LRP4: variants seen among roughly 807,000 people sequenced by gnomAD.
The protein encoded by LRP4 is LDL receptor related protein 4, also known as low-density lipoprotein receptor-related protein 4.
Under a neutral mutation model 220.3 loss-of-function variants are expected in LRP4, and 95 were observed. That is an observed-to-expected ratio of 0.43 (90% CI 0.37 to 0.51). The LOEUF (loss-of-function observed/expected upper bound fraction) is 0.51. LRP4 is among the 20% of genes least tolerant of loss of function. The pLI, the probability that LRP4 is intolerant of heterozygous loss-of-function variation, is 0.00. For missense variants in LRP4, 1,925 were observed against 2,567.0 expected, an observed-to-expected ratio of 0.75 and a Z score of 5.40; for synonymous variants, 903 against 954.6, an observed-to-expected ratio of 0.95 and a Z score of 1.00.
At chr11:46,898,750 C>T (rs182781369) in intron 6 of LRP4, 73 bp from the exon 7 acceptor site, 200 of 1,607,878 alleles carry the variant, frequency 1.2e-4, no homozygotes, top group Middle Eastern at 1.7e-4. Context: ...GGCCACAGCC[C>T]CAGAATCCCA....
At chr11:46,860,314 T>C (rs1464191670) in intron 37 of LRP4, among the ~76,000 whole-genome samples, 1 of 151,538 alleles carries the variant, frequency 6.6e-6, no homozygotes, top group Non-Finnish European at 1.5e-5. Context: ...GTCAATATAG[T>C]GGGGTCCTGC....
Position 46,893,118 on chromosome 11 carries a change from C to T in LRP4, c.1552G>A (p.Val518Met). 2.5e-6 allele frequency: 4 copies of T among 1,614,180 alleles called. No homozygotes were observed. Among genetic ancestry groups the T allele is most frequent in the Non-Finnish European group, 2.5e-6 (3 of 1,180,010 alleles). ...TAGAGTTTGTCATGGACCCAATCCA[C>T]AGCCAGGCCCCCTGGTGAGAAGCAG... is the stretch of plus-strand genomic sequence containing the variant. ...TGLESPGGLA[V>M]DWVHDKLYWT... is the part of the protein sequence containing the mutation. The change falls in exon 13 of 38, where the codon GTG becomes ATG. Residue 518 changes from valine to methionine, a missense_variant. Val to Met is a conservative substitution (Grantham distance 21, BLOSUM62 1). Transcript: ENST00000378623.
In LRP4 at chr11:46,899,981, G is replaced by A. The variant is rs1941632082; in HGVS notation, c.317-5C>T. 6.2e-7 allele frequency: 1 copy of A among 1,607,670 alleles called. No homozygotes were observed. On this transcript the variant is annotated splice_polypyrimidine_tract_variant and splice_region_variant and intron_variant, in intron 3 of 37. Transcript: ENST00000378623. The surrounding 1 kb of genome is among the most constrained non-coding windows in gnomAD (Gnocchi z 5.9). ...CCTCCTCACACTCCCGGGGGGCTGT[G>A]GGCACAGAGCAGTCAGGCTGCTGCA...
At position 46,909,611 on chromosome 11, in the gene LRP4, CAAAAAAAAAAAA is replaced by C. The variant is rs71042636; in HGVS notation, c.53-6694_53-6683del. On this transcript the variant is annotated intron_variant, in intron 1 of 37. Coordinates refer to ENST00000378623, the MANE Select transcript of LRP4 (RefSeq NM_002334.4). ...TGGGCGACAGAGCGAGACTCCGTCTCAAAAAAAAAAAAAAAAAAAAAAAAAAAAAGGAGGAAT... is the reference window on the plus strand; with the variant it reads ...TGGGCGACAGAGCGAGACTCCGTCTCAAAAAAAAAAAAAAAAAGGAGGAAT... 1.7e-3 allele frequency among the ~76,000 whole-genome samples: 79 copies of C among 46,104 alleles called. 1 individual carries two copies. The highest frequency in any genetic ancestry group is 2.9e-3 in the Admixed American group (9 of 3,122). 30.2% of individuals were successfully genotyped at this position (46,104 alleles called of 152,430 possible). A position where few individuals can be genotyped will look rare whatever the true frequency, so the allele number is the denominator to read the frequency against.
At chr11:46,869,237 G>T in intron 31 of LRP4, 105 bp from the exon 32 acceptor site, 1 of 1,070,748 alleles carries the variant, frequency 9.3e-7, no homozygotes, top group Non-Finnish European at 1.4e-6. Flanking sequence ...CTGCTGAAAT[G>T]CCCTCTTCAT....
chr11:46,908,957 T>C (rs1419366935), intron 1 of LRP4, among the ~76,000 whole-genome samples: 2 of 152,250 alleles, frequency 1.3e-5, no homozygotes, highest in Non-Finnish European at 2.9e-5. Context: ...GGCACCCGCT[T>C]TGGCCAAGGT....
Position 46,894,607 on chromosome 11 carries a change from T to G in LRP4, c.1522A>C (p.Thr508Pro). The change falls in exon 12 of 38, where the codon ACT becomes CCT. Residue 508 changes from threonine (T) to proline (P), a missense_variant. Thr to Pro is a conservative substitution (Grantham distance 38). This residue lies in a region of LRP4 where 269 missense variants were observed against 436.7 expected (regional missense o/e 0.62). Transcript: ENST00000378623. ...NGSNVEEVVS[T>P]GLESPGGLAV... is the part of the protein sequence containing the mutation. Reference sequence around the variant, plus strand: ...TCCCTACCTGGGCTCTCCAGCCCAGTAGACACAACCTCCTCCACGTTGCTG... The same window carrying G: ...TCCCTACCTGGGCTCTCCAGCCCAGGAGACACAACCTCCTCCACGTTGCTG... 1 of 1,609,316 alleles carries G rather than the reference T, an allele frequency of 6.2e-7. No homozygotes were observed. The highest frequency in any genetic ancestry group is 1.7e-4 in the Middle Eastern group (1 of 6,054).
intron 34 of LRP4, among the ~76,000 whole-genome samples, chr11:46,867,650 G>A (rs907635006): frequency 2.0e-5 from 3 of 152,020 alleles, no homozygotes; most frequent in Non-Finnish European, 4.4e-5. Flanking sequence ...TAGTGGAAAC[G>A]GGGTTTCTCC....
chr11:46,858,739 T>C lies in LRP4; in HGVS notation c.*244A>G. On this transcript the variant is annotated 3_prime_UTR_variant, in exon 38 of 38. Coordinates refer to ENST00000378623, the MANE Select transcript of LRP4 (RefSeq NM_002334.4). The stretch of plus-strand genomic sequence containing the variant: ...CAGTTTCAGGGGGCCCAGGATGGAG[T>C]ACAAGATGTGAGGTTCATGGTAAAA... The C allele has an allele frequency of 1.8e-6, 1 of 561,320 alleles. No homozygotes were observed. The highest frequency in any genetic ancestry group is 3.3e-6 in the Non-Finnish European group (1 of 307,502). 34.8% of individuals were successfully genotyped at this position (561,320 alleles called of 1,614,324 possible). A position where few individuals can be genotyped will look rare whatever the true frequency, so the allele number is the denominator to read the frequency against.
chr11:46,905,033 G>C (rs1426267551), intron 1 of LRP4, among the ~76,000 whole-genome samples: 1 of 150,722 alleles, frequency 6.6e-6, no homozygotes, highest in Non-Finnish European at 1.5e-5. Flanking sequence ...AGCCAAGTGA[G>C]GTCCAGTTGG....
chr11:46,903,005 G>T, intron 1 of LRP4, 76 bp from the exon 2 acceptor site: 1 of 1,586,268 alleles, frequency 6.3e-7, no homozygotes. Context: ...GAAAGTAGAG[G>T]AGCCTAGTCC....
At position 46,862,764 on chromosome 11, in the gene LRP4, G is replaced by T; in HGVS notation, c.5244-17C>A. ...TTTTTGTGTCTTTAGGAGGGAAGGT[G>T]ATGAGAAATTAGTCGAGATCTTTAA... On this transcript the variant is annotated splice_polypyrimidine_tract_variant and intron_variant, in intron 36 of 37. Coordinates refer to ENST00000378623, the MANE Select transcript of LRP4 (RefSeq NM_002334.4). 1 of 1,613,192 alleles carries T rather than the reference G, an allele frequency of 6.2e-7. No individual in the cohort carries two copies. The highest frequency in any genetic ancestry group is 1.1e-5 in the South Asian group (1 of 91,030).
At chr11:46,894,876 C>A (rs1941492991) in intron 11 of LRP4, 57 bp from the exon 12 acceptor site, 1 of 1,456,510 alleles carries the variant, frequency 6.9e-7, no homozygotes, top group Non-Finnish European at 9.6e-7. Context: ...CCCCTGGTAC[C>A]CATCAGCAGG....
At chr11:46,917,453 C>G (rs957661348) in intron 1 of LRP4, among the ~76,000 whole-genome samples, 1 of 152,148 alleles carries the variant, frequency 6.6e-6, no homozygotes, top group Non-Finnish European at 1.5e-5. Flanking sequence ...CAGATTCCAT[C>G]GGAGCCCTAG....
chr11:46,860,171 G>A (rs1366583911), intron 37 of LRP4, among the ~76,000 whole-genome samples: 25 of 151,060 alleles, frequency 1.7e-4, no homozygotes, highest in Admixed American at 1.6e-3. Flanking sequence ...GGAGGCTGAG[G>A]TTACAGTGAG....
At chr11:46,888,281 C>T (rs924598929) in intron 16 of LRP4, among the ~76,000 whole-genome samples, 3 of 148,956 alleles carry the variant, frequency 2.0e-5, no homozygotes, top group Non-Finnish European at 1.5e-5. Flanking sequence ...ATGCCAGGCA[C>T]AGTGGCTCAT....
intron 8 of LRP4, 148 bp downstream of exon 8, chr11:46,896,721 C>CA: frequency 8.7e-7 from 1 of 1,153,826 alleles, no homozygotes; most frequent in Non-Finnish European, 1.3e-6. Context: ...TACTGTGCTC[C>CA]AGGCCATAAG....
At chr11:46,861,626 A>G (rs939986115) in intron 37 of LRP4, among the ~76,000 whole-genome samples, 1 of 146,572 alleles carries the variant, frequency 6.8e-6, no homozygotes, top group Non-Finnish European at 1.5e-5. Context: ...CCTGAGCTCA[A>G]GTGATCCTCC....
intron 19 of LRP4, among the ~76,000 whole-genome samples, chr11:46,883,212 C>G (rs1565788315): frequency 1.3e-5 from 2 of 152,300 alleles, no homozygotes; most frequent in East Asian, 3.9e-4. Context: ...AAAGTTGTCA[C>G]CAGCTGTTGG....
Sources: allele counts gnomAD v4.1 joint callset (sites outside exome capture counted in the v4.1 genomes callset), GRCh38; gene constraint gnomAD v4.1.1; regional missense constraint gnomAD v4.1.1; non-coding constraint Gnocchi (gnomAD v3.1); transcripts MANE v1.5; gene names NCBI Gene and HGNC (gene_info 2026-07-23, HGNC 2026-07-21).